Variants in DLG2 observed in about 807,000 individuals in gnomAD.
DLG2 encodes the protein disks large homolog 2.
A neutral mutation model predicts 132.5 loss-of-function variants in DLG2; 45 were observed. The observed-to-expected ratio is 0.34, with a 90% CI of 0.27 to 0.44. The LOEUF (loss-of-function observed/expected upper bound fraction) is 0.44. DLG2 is among the 20% of genes least tolerant of loss of function. The pLI, the probability that DLG2 is intolerant of heterozygous loss-of-function variation, is 1.00. For missense variants in DLG2, 1,045 were observed against 1,196.9 expected (o/e 0.87, Z 1.87); for synonymous variants, 424 against 419.6 (o/e 1.01, Z -0.13).
At chr11:85,113,834 T>C (rs2073149366) in intron 5 of DLG2, among the ~76,000 whole-genome samples, 2 of 152,010 alleles carry the variant, frequency 1.3e-5, no homozygotes, top group African/African-American at 2.4e-5. Context: ...AATTTAATAT[T>C]TGGTTTTATC....
chr11:83,747,322 TCCTTCCTGCCTTCCTTCCTG>T (rs1263950421), intron 18 of DLG2, among the ~76,000 whole-genome samples: 2 of 109,794 alleles, frequency 1.8e-5, no homozygotes, highest in Non-Finnish European at 4.3e-5. Flanking sequence ...CTTCCTTCCT[TCCTTCCTGCCTTCCTTCCTG>T]CCTTCCTTCC....
intron 11 of DLG2, among the ~76,000 whole-genome samples, chr11:84,044,994 G>A (rs777683419): frequency 2.6e-5 from 4 of 151,646 alleles, no homozygotes; most frequent in Non-Finnish European, 5.9e-5. Flanking sequence ...GTCACTGTAG[G>A]CAAAATTTTC....
chr11:85,069,755 G>A (rs968750805), intron 6 of DLG2, among the ~76,000 whole-genome samples: 34 of 152,172 alleles, frequency 2.2e-4, no homozygotes, highest in African/African-American at 7.9e-4. Flanking sequence ...CGATTCCTCA[G>A]GGATCTAGAA....
chr11:84,790,577 C>A (rs1437732253), intron 6 of DLG2, among the ~76,000 whole-genome samples: 3 of 152,106 alleles, frequency 2.0e-5, no homozygotes, highest in Non-Finnish European at 2.9e-5. Flanking sequence ...TGTTGAGAAG[C>A]TTTTTAACTT....
chr11:84,273,367 T>G, intron 7 of DLG2: 2 of 1,310,892 alleles, frequency 1.5e-6, no homozygotes, highest in East Asian at 5.8e-5. Context: ...TAATTAGATC[T>G]GCTACACAAA....
chr11:84,391,638 T>C (rs2098792863), intron 7 of DLG2, among the ~76,000 whole-genome samples: 1 of 152,206 alleles, frequency 6.6e-6, no homozygotes, highest in Non-Finnish European at 1.5e-5. Context: ...TGAATTTGTC[T>C]GAATACTTCC....
chr11:84,930,216 A>G (rs1235963807), intron 6 of DLG2, among the ~76,000 whole-genome samples: 1 of 152,080 alleles, frequency 6.6e-6, no homozygotes, highest in African/African-American at 2.4e-5. Flanking sequence ...AACATGTATT[A>G]TTTGTATTGC....
chr11:84,638,315 T>C (rs2099644206), intron 6 of DLG2, among the ~76,000 whole-genome samples: 1 of 152,200 alleles, frequency 6.6e-6, no homozygotes, highest in African/African-American at 2.4e-5. Flanking sequence ...TTCATTAAAA[T>C]TCAGTAATAA....
chr11:83,606,688 G>C (rs1001513604), intron 19 of DLG2, among the ~76,000 whole-genome samples: 2 of 151,970 alleles, frequency 1.3e-5, no homozygotes, highest in Admixed American at 6.6e-5. Context: ...AGCACTTTGG[G>C]AGGCTGAGGC....
At chr11:84,824,772 G>C (rs1262673653) in intron 6 of DLG2, among the ~76,000 whole-genome samples, 2 of 151,852 alleles carry the variant, frequency 1.3e-5, no homozygotes, top group African/African-American at 2.4e-5. Flanking sequence ...AAAATGTGTG[G>C]CTCAGGCTTA....
chr11:85,246,268 T>C (rs1320234882), intron 4 of DLG2, among the ~76,000 whole-genome samples: 1 of 151,708 alleles, frequency 6.6e-6, no homozygotes, highest in Non-Finnish European at 1.5e-5. Flanking sequence ...GCCCAAAAAA[T>C]AAACAACAAA....
At chr11:84,652,369 G>T (rs1048236525) in intron 6 of DLG2, among the ~76,000 whole-genome samples, 1 of 152,146 alleles carries the variant, frequency 6.6e-6, no homozygotes, top group African/African-American at 2.4e-5. Flanking sequence ...TATTGATTAG[G>T]TGTATGGGCT....
chr11:83,848,922 T>C (rs1230788105), intron 16 of DLG2, among the ~76,000 whole-genome samples: 3 of 152,230 alleles, frequency 2.0e-5, no homozygotes, highest in Non-Finnish European at 2.9e-5. Context: ...TCCTGGGCAG[T>C]GTTCCCAGAG....
Position 84,013,665 on chromosome 11 carries a change from G to A in DLG2, c.920-33023C>T, listed in dbSNP as rs189654421. On this transcript the variant is annotated intron_variant, in intron 11 of 27. Transcript: ENST00000376104. Reference sequence around the variant, plus strand: ...GGTTGGATCATGAGGTCAGAAGTTCGAGATCAGCCTGGCCAATGTGGTGAA... The same window carrying A: ...GGTTGGATCATGAGGTCAGAAGTTCAAGATCAGCCTGGCCAATGTGGTGAA... Among the ~76,000 whole-genome samples the A allele has an allele frequency of 2.3e-3, 353 of 151,890 alleles. 1 individual carries two copies. Among genetic ancestry groups the A allele is most frequent in the African/African-American group, 7.9e-3 (328 of 41,444 alleles).
chr11:84,210,328 T>A (rs1813461), intron 8 of DLG2, among the ~76,000 whole-genome samples: 110,460 of 145,432 alleles, frequency 0.76, 44,051 homozygotes, highest in Middle Eastern at 0.91. Flanking sequence ...GTCCACAAAG[T>A]GTCCTGTAAA....
At chr11:83,666,785 GC>G (rs1272543281) in intron 18 of DLG2, among the ~76,000 whole-genome samples, 2 of 152,160 alleles carry the variant, frequency 1.3e-5, no homozygotes, top group African/African-American at 4.8e-5. Flanking sequence ...CCCATGACTT[GC>G]CCAAAGTCAC....
chr11:85,335,527 G>T (rs558091042), intron 3 of DLG2, among the ~76,000 whole-genome samples: 14 of 152,230 alleles, frequency 9.2e-5, no homozygotes, highest in South Asian at 8.3e-4. Context: ...GTTATTATGT[G>T]TCTCTTTGTA....
At chr11:85,594,203 G>C (rs1418393516) in intron 3 of DLG2, among the ~76,000 whole-genome samples, 5 of 152,162 alleles carry the variant, frequency 3.3e-5, no homozygotes, top group Non-Finnish European at 7.4e-5. Context: ...GAATGTGTTA[G>C]AAGGCTTCAA....
intron 10 of DLG2, among the ~76,000 whole-genome samples, chr11:84,070,093 T>C (rs1454168191): frequency 1.3e-5 from 2 of 152,248 alleles, no homozygotes; most frequent in Non-Finnish European, 2.9e-5. Context: ...GCAACCCTTT[T>C]ATCATTTCAT....
Sources: allele counts gnomAD v4.1 joint callset (sites outside exome capture counted in the v4.1 genomes callset), GRCh38; gene constraint gnomAD v4.1.1; transcripts MANE v1.5; gene names NCBI Gene and HGNC (gene_info 2026-07-23, HGNC 2026-07-21).